The following CALHM6 variants were observed in gnomAD, a reference collection of about 807,000 sequenced individuals.
CALHM6 encodes calcium homeostasis modulator protein 6.
CALHM6 carries 15 observed loss-of-function variants against 12.7 expected under a neutral mutation model. That is an observed-to-expected ratio of 1.18 (90% CI 0.79 to 1.82). The LOEUF (loss-of-function observed/expected upper bound fraction) is 1.82, where lower values mean the gene tolerates loss of function less well. Among genes scored for constraint, CALHM6 ranks in the 40% most tolerant of loss-of-function variants. The probability of loss-of-function intolerance (pLI) is 0.00; values close to 1 mark genes in which losing one functional copy is unlikely to be tolerated. For missense variants in CALHM6, 434 were observed against 421.0 expected, an observed-to-expected ratio of 1.03 and a Z score of -0.27; for synonymous variants, 212 against 193.7, an observed-to-expected ratio of 1.09 and a Z score of -0.78.
rs1298246117 is a variant in CALHM6 at position 116,463,696 on chromosome 6, T to A, written c.939T>A (p.Pro313=). The change falls in exon 3 of 3, where the codon CCT becomes CCA. Residue 313 remains proline, a synonymous_variant. Coordinates refer to ENST00000368605, the MANE Select transcript of CALHM6 (RefSeq NM_001010919.3). The part of the protein sequence containing the change: ...FVDSSGINST[P]EL ...ATTCATCTGGTATAAACAGCACTCC[T>A]GAGTTATGACCTTTTGAATGAGTAG... is the stretch of plus-strand genomic sequence containing the variant. 6.3e-7 allele frequency: 1 copy of A among 1,580,850 alleles called. No individual in the cohort carries two copies. Among genetic ancestry groups the A allele is most frequent in the South Asian group, 1.2e-5 (1 of 85,978 alleles).
chr6:116,462,112 C>A lies in CALHM6; in HGVS notation c.183C>A (p.Leu61=), dbSNP rs1356587392. Residue 61 remains leucine, a synonymous_variant, in exon 2 of 3, where the codon CTC becomes CTA. Transcript: ENST00000368605. ...YGLVFLLVPA[L]ALFLLGYVLS... ...TGGTCTTCTTGCTGGTGCCGGCGCTCGCGCTCTTCCTCCTGGGCTACGTGC... is the reference window on the plus strand; with the variant it reads ...TGGTCTTCTTGCTGGTGCCGGCGCTAGCGCTCTTCCTCCTGGGCTACGTGC... The A allele has an allele frequency of 4.5e-6, 7 of 1,541,680 alleles. No homozygotes were observed. In the African/African-American group the frequency reaches 8.2e-5, roughly 18 times the overall value.
chr6:116,462,187 C>G lies in CALHM6; in HGVS notation c.258C>G (p.Arg86=). The change falls in exon 2 of 3, where the codon CGC becomes CGG. Residue 86 remains arginine, a synonymous_variant. Coordinates refer to ENST00000368605, the MANE Select transcript of CALHM6 (RefSeq NM_001010919.3). ...RLLTGCCSSA[R]ASCGSALRGS... is the part of the protein sequence containing the mutation. ...TCACCGGATGCTGCTCCAGCGCCCG[C>G]GCGAGTTGCGGATCGGCGCTGCGCG... 1 of 1,510,684 alleles carries G rather than the reference C, an allele frequency of 6.6e-7. No individual in the cohort carries two copies. The highest frequency in any genetic ancestry group is 8.8e-7 in the Non-Finnish European group (1 of 1,133,166). The allele number at this position is 1,510,684 out of a possible 1,614,324, so 93.6% of individuals were successfully genotyped here.
In CALHM6 at chr6:116,463,738, G is replaced by T; in HGVS notation, c.*33G>T. ...AATGAGTAGAAAAAAAAATTGTTTT[G>T]AATTATTGCTTTATTAAAAAATAAA... is the stretch of plus-strand genomic sequence containing the variant. On this transcript the variant is annotated 3_prime_UTR_variant, in exon 3 of 3. Coordinates refer to ENST00000368605, the MANE Select transcript of CALHM6 (RefSeq NM_001010919.3). 7.0e-6 allele frequency: 10 copies of T among 1,429,138 alleles called. No homozygotes were observed. Among genetic ancestry groups the T allele is most frequent in the South Asian group, 3.2e-5 (2 of 62,058 alleles). 88.5% of individuals were successfully genotyped at this position (1,429,138 alleles called of 1,614,324 possible).
Position 116,462,289 on chromosome 6 carries a change from G to T in CALHM6, c.360G>T (p.Gly120=). 1 of 1,410,924 alleles carries T rather than the reference G, an allele frequency of 7.1e-7. No individual in the cohort carries two copies. The allele number at this position is 1,410,924 out of a possible 1,614,324, so 87.4% of individuals were successfully genotyped here. A position where few individuals can be genotyped will look rare whatever the true frequency, so the allele number is the denominator to read the frequency against. The change falls in exon 2 of 3, where the codon GGG becomes GGT. Residue 120 remains glycine (G), a synonymous_variant. Coordinates refer to ENST00000368605, the MANE Select transcript of CALHM6 (RefSeq NM_001010919.3). ...CCTGGGTGGCCGTGGCGCTGCTCGG[G>T]GGCGCCTTTTACGAGTGCGCGGCCA... ...PLTWVAVALL[G]GAFYECAATG... is the part of the protein sequence containing the mutation.
Position 116,462,007 on chromosome 6 carries a change from G to A in CALHM6, c.78G>A (p.Leu26=). 1 of 1,548,932 alleles carries A rather than the reference G, an allele frequency of 6.5e-7. No individual in the cohort carries two copies. Among genetic ancestry groups the A allele is most frequent in the Non-Finnish European group, 8.7e-7 (1 of 1,146,134 alleles). ...TGGGCTACGGCCTGGTGACCCTGCT[G>A]ACGGCGGGCGGGGAGCGCATCTTCT... ...SALGYGLVTL[L]TAGGERIFSA... The change falls in exon 2 of 3, where the codon CTG becomes CTA. Residue 26 remains leucine, a synonymous_variant. Transcript: ENST00000368605.
At chr6:116,462,515 G>T (rs1784802010) in intron 2 of CALHM6, 61 bp downstream of exon 2, 1 of 1,259,386 alleles carries the variant, frequency 7.9e-7, no homozygotes, top group Non-Finnish European at 1.1e-6. Flanking sequence ...TCTCAGGGCC[G>T]CTGGGGTGAG....
Position 116,462,152 on chromosome 6 carries a change from T to C in CALHM6, c.223T>C (p.Trp75Arg). ...LLGYVLSARTWRLLTGCCSSA... is the reference protein window; with the variant it reads ...LLGYVLSARTRRLLTGCCSSA... ...GGGCTACGTGCTGAGCGCACGCACGTGGCGCCTGCTCACCGGATGCTGCTC... is the reference window on the plus strand; with the variant it reads ...GGGCTACGTGCTGAGCGCACGCACGCGGCGCCTGCTCACCGGATGCTGCTC... Residue 75 changes from tryptophan to arginine, a missense_variant, in exon 2 of 3, where the codon TGG becomes CGG. Trp to Arg is a moderately radical substitution (Grantham distance 101, BLOSUM62 -3). Transcript: ENST00000368605. 6.5e-7 allele frequency: 1 copy of C among 1,529,846 alleles called. No homozygotes were observed. The highest frequency in any genetic ancestry group is 8.8e-7 in the Non-Finnish European group (1 of 1,141,444). The allele number at this position is 1,529,846 out of a possible 1,614,324, so 94.8% of individuals were successfully genotyped here. A position where few individuals can be genotyped will look rare whatever the true frequency, so the allele number is the denominator to read the frequency against.
rs766322052 is a variant in CALHM6, at chr6:116,463,418, C to G, written c.661C>G (p.Leu221Val). ...KIYLEQEQQI[L>V]KSKATEHATE... is the part of the protein sequence containing the mutation. ...CTATTTGGAACAGGAGCAGCAGATC[C>G]TTAAAAGTAAAGCCACAGAGCATGC... Residue 221 changes from leucine (L) to valine (V), a missense_variant, in exon 3 of 3, where the codon CTT (leucine) becomes GTT (valine). Transcript: ENST00000368605. 1.9e-6 allele frequency: 3 copies of G among 1,614,064 alleles called. No individual in the cohort carries two copies. The highest frequency in any genetic ancestry group is 2.5e-6 in the Non-Finnish European group (3 of 1,180,006).
chr6:116,462,332 G>A lies in CALHM6; in HGVS notation c.403G>A (p.Ala135Thr). ...CGCGGCCACCGGGAGCGCGGCCTTC[G>A]CGCAGCGCCTGTGCCTCGGCCGCAA... ...ECAATGSAAF[A>T]QRLCLGRNRS... The change falls in exon 2 of 3, where the codon GCG (alanine) becomes ACG (threonine). Residue 135 changes from alanine (A) to threonine (T), a missense_variant. Transcript: ENST00000368605. 2 of 1,441,258 alleles carry A rather than the reference G, an allele frequency of 1.4e-6. No homozygotes were observed. The highest frequency in any genetic ancestry group is 2.8e-5 in the South Asian group (2 of 71,776). 89.3% of individuals were successfully genotyped at this position (1,441,258 alleles called of 1,614,324 possible).
intron 1 of CALHM6, 59 bp downstream of exon 1, chr6:116,461,488 G>T: frequency 6.7e-7 from 1 of 1,485,880 alleles, no homozygotes; most frequent in South Asian, 1.2e-5. Context: ...TTAGTAACTA[G>T]GGTGGCTGCA....
At chr6:116,461,807 AAAG>A (rs1784774205) in intron 1 of CALHM6, 62 bp from the exon 2 acceptor site, 41 of 1,128,180 alleles carry the variant, frequency 3.6e-5, no homozygotes, top group East Asian at 1.2e-4. Flanking sequence ...AAAAAAAAAA[AAAG>A]GCTGCTTCTC....
rs971234040 is a variant in CALHM6 at position 116,462,265 on chromosome 6, C to A, written c.336C>A (p.Thr112=). 2 of 1,378,700 alleles carry A rather than the reference C, an allele frequency of 1.5e-6. No homozygotes were observed. Among genetic ancestry groups the A allele is most frequent in the Admixed American group, 7.3e-5 (2 of 27,526 alleles). The allele number at this position is 1,378,700 out of a possible 1,614,324, so 85.4% of individuals were successfully genotyped here. ...ISAAAALAPL[T]WVAVALLGGA... ...CGGCCGCCGCGCTCGCGCCCCTCAC[C>A]TGGGTGGCCGTGGCGCTGCTCGGGG... The change falls in exon 2 of 3, where the codon ACC becomes ACA. Residue 112 remains threonine, a synonymous_variant. Coordinates refer to ENST00000368605, the MANE Select transcript of CALHM6 (RefSeq NM_001010919.3).
chr6:116,462,242 G>T lies in CALHM6; in HGVS notation c.313G>T (p.Ala105Ser). Reference protein sequence around the residue: ...GSLVCTQISAAAALAPLTWVA... With the variant: ...GSLVCTQISASAALAPLTWVA... ...CCTGGTGTGCACGCAAATCAGCGCGGCCGCCGCGCTCGCGCCCCTCACCTG... is the reference window on the plus strand; with the variant it reads ...CCTGGTGTGCACGCAAATCAGCGCGTCCGCCGCGCTCGCGCCCCTCACCTG... The change falls in exon 2 of 3, where the codon GCC becomes TCC. Residue 105 changes from alanine (A) to serine (S), a missense_variant. Coordinates refer to ENST00000368605, the MANE Select transcript of CALHM6 (RefSeq NM_001010919.3). 1 of 1,372,344 alleles carries T rather than the reference G, an allele frequency of 7.3e-7. No individual in the cohort carries two copies. The highest frequency in any genetic ancestry group is 9.4e-7 in the Non-Finnish European group (1 of 1,068,038). 85.0% of individuals were successfully genotyped at this position (1,372,344 alleles called of 1,614,324 possible).
rs1042618310 is a variant in CALHM6 at position 116,463,455 on chromosome 6, C to T, written c.698C>T (p.Ala233Val). The T allele has an allele frequency of 1.2e-6, 2 of 1,614,068 alleles. No homozygotes were observed. The highest frequency in any genetic ancestry group is 1.3e-5 in the African/African-American group (1 of 75,000). The change falls in exon 3 of 3, where the codon GCA becomes GTA. Residue 233 changes from alanine to valine, a missense_variant. Physicochemically the swap from Ala to Val is moderately conservative, Grantham distance 64 (BLOSUM62 0). Transcript: ENST00000368605. ...SKATEHATEL[A>V]KENIKCFFEG... ...GCCACAGAGCATGCAACTGAATTGG[C>T]AAAAGAGAATATTAAATGTTTCTTT...
chr6:116,463,678 T>G lies in CALHM6; in HGVS notation c.921T>G (p.Ser307=), dbSNP rs753273164. ...VIPVLGFVDS[S]GINSTPEL is the part of the protein sequence containing the mutation. ...CTGTTCTTGGCTTTGTAGATTCATCTGGTATAAACAGCACTCCTGAGTTAT... is the reference window on the plus strand; with the variant it reads ...CTGTTCTTGGCTTTGTAGATTCATCGGGTATAAACAGCACTCCTGAGTTAT... Residue 307 remains serine, a synonymous_variant, in exon 3 of 3, where the codon TCT becomes TCG. Transcript: ENST00000368605. 1 of 1,608,902 alleles carries G rather than the reference T, an allele frequency of 6.2e-7. No individual in the cohort carries two copies. Among genetic ancestry groups the G allele is most frequent in the East Asian group, 2.2e-5 (1 of 44,812 alleles).
chr6:116,461,792 T>TAA (rs4031591), intron 1 of CALHM6, 80 bp from the exon 2 acceptor site: 237,210 of 728,332 alleles, frequency 0.33, 19,876 homozygotes, highest in East Asian at 0.45. Context: ...CTCTTCCCTT[T>TAA]AAAAAAAAAA....
At chr6:116,461,599 C>A (rs1460429820) in intron 1 of CALHM6, among the ~76,000 whole-genome samples, 170 bp downstream of exon 1, 1 of 151,872 alleles carries the variant, frequency 6.6e-6, no homozygotes, top group Non-Finnish European at 1.5e-5. Context: ...AATAAAGGAA[C>A]AAGGTCAACC....
chr6:116,462,049 G>A lies in CALHM6; in HGVS notation c.120G>A (p.Gln40=). ...GERIFSAVAF[Q]CPCSAAWNLP... is the part of the protein sequence containing the mutation. The stretch of plus-strand genomic sequence containing the variant: ...GCATCTTCTCCGCCGTGGCATTCCA[G>A]TGCCCGTGCAGCGCCGCCTGGAACC... The change falls in exon 2 of 3, where the codon CAG becomes CAA. Residue 40 remains glutamine (Q), a synonymous_variant. Transcript: ENST00000368605. 1 of 1,548,358 alleles carries A rather than the reference G, an allele frequency of 6.5e-7. No homozygotes were observed. Among genetic ancestry groups the A allele is most frequent in the Non-Finnish European group, 8.7e-7 (1 of 1,146,378 alleles).
rs747529372 is a variant in CALHM6, at chr6:116,463,504, T to A, written c.747T>A (p.Tyr249Ter). 2 of 1,614,156 alleles carry A rather than the reference T, an allele frequency of 1.2e-6. No individual in the cohort carries two copies. Among genetic ancestry groups the A allele is most frequent in the South Asian group, 2.2e-5 (2 of 91,078 alleles). Residue 249 changes from tyrosine to a stop codon, truncating the protein, a stop_gained, in exon 3 of 3, where the codon TAT becomes TAA. Coordinates refer to ENST00000368605, the MANE Select transcript of CALHM6 (RefSeq NM_001010919.3). LOFTEE classifies it low-confidence loss of function (END_TRUNC). ...TTGAGGGCTCGCATCCAAAAGAATA[T>A]AACACTCCAAGCATGAAAGAGTGGC... ...CFFEGSHPKE[Y>*]NTPSMKEWQQ...
Sources: gnomAD v4.1 joint callset for allele counts (sites outside exome capture counted in the v4.1 genomes callset) on GRCh38, gnomAD v4.1.1 for gene constraint, MANE v1.5 for transcripts, NCBI Gene and HGNC (gene_info 2026-07-23, HGNC 2026-07-21) for gene names.